The following ASIC2 variants were observed in gnomAD, a reference collection of about 807,000 sequenced individuals.
ASIC2 encodes acid-sensing ion channel 2.
Under a neutral mutation model 57.3 loss-of-function variants are expected in ASIC2, and 25 were observed. The ratio of observed to expected loss-of-function variants is 0.44; its 90% CI spans 0.32 to 0.61. The LOEUF is 0.61. ASIC2 is among the 20% of genes least tolerant of loss of function. The probability of loss-of-function intolerance (pLI) is 0.06; values close to 1 mark genes in which losing one functional copy is unlikely to be tolerated. For synonymous variants in ASIC2, 319 were observed against 307.5 expected (o/e 1.04, Z -0.39); for missense variants, 641 against 738.1 (o/e 0.87, Z 1.52).
intron 1 of ASIC2, among the ~76,000 whole-genome samples, chr17:33,352,401 C>A (rs60804854): frequency 1.3e-5 from 2 of 152,130 alleles, no homozygotes; most frequent in African/African-American, 2.4e-5. Flanking sequence ...GCTGCCACCC[C>A]CTACATGGGA....
intron 1 of ASIC2, among the ~76,000 whole-genome samples, chr17:33,879,707 G>A (rs185099919): frequency 6.6e-6 from 1 of 152,216 alleles, no homozygotes; most frequent in African/African-American, 2.4e-5. Context: ...GAGACAGAAA[G>A]TTAACAAGGA....
In ASIC2 at chr17:33,246,328, G is replaced by A. The variant is rs140456578; in HGVS notation, c.708+45080C>T. 4.0e-3 allele frequency among the ~76,000 whole-genome samples: 604 copies of A among 152,304 alleles called. 3 individuals carry two copies. Among genetic ancestry groups the A allele is most frequent in the Non-Finnish European group, 5.4e-3 (369 of 68,028 alleles). On this transcript the variant is annotated intron_variant, in intron 1 of 9. Coordinates refer to ENST00000225823, the MANE Select transcript of ASIC2 (RefSeq NM_183377.2). ...TGTTTGCAGAGAGGGCGCAGGCAGG[G>A]AGAGAAACAGAACACTTCTGGGATG...
chr17:34,061,822 T>C (rs1009311485), intron 1 of ASIC2, among the ~76,000 whole-genome samples: 4 of 151,940 alleles, frequency 2.6e-5, no homozygotes, highest in Non-Finnish European at 5.9e-5. Context: ...AACAAGAAAA[T>C]ATTACAATCC....
chr17:33,163,323 C>T (rs926422483), intron 1 of ASIC2, among the ~76,000 whole-genome samples: 5 of 152,102 alleles, frequency 3.3e-5, no homozygotes, highest in Non-Finnish European at 5.9e-5. Context: ...GCCTCACTTC[C>T]TGCAGAGTGA....
intron 1 of ASIC2, among the ~76,000 whole-genome samples, chr17:33,912,837 G>T (rs1169093298): frequency 6.6e-6 from 1 of 151,944 alleles, no homozygotes; most frequent in Non-Finnish European, 1.5e-5. Context: ...AAATTAGCGG[G>T]GCGTGGTGGT....
In ASIC2 at chr17:34,156,700, G is replaced by A; in HGVS notation, c.-168C>T. 3.0e-6 allele frequency: 2 copies of A among 671,256 alleles called. No homozygotes were observed. The highest frequency in any genetic ancestry group is 4.9e-6 in the Non-Finnish European group (2 of 404,756). The allele number at this position is 671,256 out of a possible 1,614,324, so 41.6% of individuals were successfully genotyped here. ...CTGAGAGCCCAGCCGCACGCTGACA[G>A]GGGTGAGTGTTTATATAAAACCCAT... On this transcript the variant is annotated 5_prime_UTR_variant, in exon 1 of 10. Coordinates refer to the ASIC2 transcript ENST00000359872. The surrounding 1 kb of genome is among the most constrained non-coding windows in gnomAD (Gnocchi z 4.4).
At chr17:33,674,693 G>A (rs1907754355) in intron 1 of ASIC2, among the ~76,000 whole-genome samples, 1 of 152,168 alleles carries the variant, frequency 6.6e-6, no homozygotes, top group African/African-American at 2.4e-5. Context: ...ATTTTTTAAT[G>A]GGTGAATAAA....
intron 1 of ASIC2, among the ~76,000 whole-genome samples, chr17:33,728,598 CTG>C (rs1909638217): frequency 6.6e-6 from 1 of 152,162 alleles, no homozygotes; most frequent in African/African-American, 2.4e-5. Context: ...AATTTAAACT[CTG>C]GATTCATAGC....
chr17:34,046,838 A>G (rs1328456450), intron 1 of ASIC2, among the ~76,000 whole-genome samples: 1 of 152,168 alleles, frequency 6.6e-6, no homozygotes, highest in African/African-American at 2.4e-5. Context: ...CCTGGGGGGT[A>G]GGCTTCCCTT....
At chr17:33,269,613 C>CCCTCCCTTCCTTCCTTCCTT (rs1904365417) in intron 1 of ASIC2, among the ~76,000 whole-genome samples, 32 of 73,426 alleles carry the variant, frequency 4.4e-4, no homozygotes, top group Non-Finnish European at 6.0e-4. Context: ...AGGGCTCCTT[C>CCCTCCCTTCCTTCCTTCCTT]CCTTCCTTCC....
At chr17:33,399,305 C>T (rs1910195836) in intron 1 of ASIC2, among the ~76,000 whole-genome samples, 1 of 152,194 alleles carries the variant, frequency 6.6e-6, no homozygotes, top group African/African-American at 2.4e-5. Flanking sequence ...TCTCTGACAA[C>T]CTGTTTGCTT....
chr17:33,705,100 G>A lies in ASIC2; in HGVS notation c.555+450878C>T, dbSNP rs149387726. ...GAAATGAAAGTCTTGGAACTAGTTA[G>A]CCTCAAATGTAGATTAGCCAAAGCA... On this transcript the variant is annotated intron_variant, in intron 1 of 9. Coordinates refer to the ASIC2 transcript ENST00000359872. 9.2e-3 allele frequency among the ~76,000 whole-genome samples: 1,406 copies of A among 152,238 alleles called. 6 individuals are homozygous for A. Among genetic ancestry groups the A allele is most frequent in the Middle Eastern group, 0.031 (9 of 294 alleles).
At chr17:33,456,844 C>A (rs117175456) in intron 1 of ASIC2, among the ~76,000 whole-genome samples, 3,705 of 152,298 alleles carry the variant, frequency 0.024, 57 homozygotes, top group Middle Eastern at 0.078. Context: ...TATAAACAGG[C>A]CTGAGTTGCC....
intron 1 of ASIC2, among the ~76,000 whole-genome samples, chr17:33,256,269 T>G (rs1357405391): frequency 6.6e-6 from 1 of 152,040 alleles, no homozygotes; most frequent in Non-Finnish European, 1.5e-5. Flanking sequence ...CAATATGGAT[T>G]TGTGTGAGAT....
intron 1 of ASIC2, among the ~76,000 whole-genome samples, chr17:33,390,141 T>C (rs1022429678): frequency 1.3e-5 from 2 of 152,058 alleles, no homozygotes; most frequent in Admixed American, 1.3e-4. Flanking sequence ...GGCAAAACCC[T>C]GTCTCTACTA....
At chr17:33,587,035 C>A (rs553306414) in intron 1 of ASIC2, among the ~76,000 whole-genome samples, 1 of 152,302 alleles carries the variant, frequency 6.6e-6, no homozygotes, top group East Asian at 1.9e-4. Flanking sequence ...CAAAAGTTCA[C>A]AAACTATGGC....
chr17:34,042,786 A>G (rs1040643416), intron 1 of ASIC2, among the ~76,000 whole-genome samples: 5 of 152,220 alleles, frequency 3.3e-5, no homozygotes, highest in African/African-American at 4.8e-5. Flanking sequence ...TTAGTTTATT[A>G]GCAATTTATG....
chr17:33,296,904 A>G (rs1449392550), upstream of ASIC2, among the ~76,000 whole-genome samples: 1 of 152,206 alleles, frequency 6.6e-6, no homozygotes, highest in East Asian at 1.9e-4. Context: ...CTTCCTGCCC[A>G]CTGTAGGAAT....
At chr17:33,477,233 T>G (rs1412937976) in intron 1 of ASIC2, among the ~76,000 whole-genome samples, 4 of 152,106 alleles carry the variant, frequency 2.6e-5, no homozygotes, top group Non-Finnish European at 2.9e-5. Flanking sequence ...TCACCAAATT[T>G]CTCCCCCAAA....
Sources: allele counts gnomAD v4.1 joint callset (sites outside exome capture counted in the v4.1 genomes callset), GRCh38; gene constraint gnomAD v4.1.1; non-coding constraint Gnocchi (gnomAD v3.1); transcripts MANE v1.5; gene names NCBI Gene and HGNC (gene_info 2026-07-23, HGNC 2026-07-21).